Variants in TMPRSS6 observed in about 807,000 individuals in gnomAD.
TMPRSS6 encodes transmembrane protease serine 6.
TMPRSS6 carries 67 observed loss-of-function variants against 101.5 expected under a neutral mutation model. That is an observed-to-expected ratio of 0.66 (90% CI 0.54 to 0.81). TMPRSS6 has a LOEUF of 0.81. Ranked by LOEUF, TMPRSS6 falls within the 30% of genes least tolerant of loss-of-function variation. TMPRSS6 has a pLI of 0.00. For synonymous variants in TMPRSS6, 453 were observed against 464.9 expected (o/e 0.97, Z 0.33); for missense variants, 1,034 against 1,088.7 (o/e 0.95, Z 0.71).
At chr22:37,085,650 G>A (rs1928678553) in intron 8 of TMPRSS6, among the ~76,000 whole-genome samples, 1 of 152,100 alleles carries the variant, frequency 6.6e-6, no homozygotes, top group Admixed American at 6.5e-5. Flanking sequence ...CATGCGGGGT[G>A]GGACGTGCCC....
chr22:37,106,910 G>A (rs1379563867), intron 1 of TMPRSS6, among the ~76,000 whole-genome samples: 1 of 152,170 alleles, frequency 6.6e-6, no homozygotes. Flanking sequence ...CCCCTGGCTA[G>A]TTAAGCTGCC....
intron 7 of TMPRSS6, 132 bp from the exon 8 acceptor site, chr22:37,086,551 A>C: frequency 1.1e-6 from 1 of 918,534 alleles, no homozygotes; most frequent in Non-Finnish European, 1.7e-6. Flanking sequence ...GTCTCCTACC[A>C]GAGACCACTG....
chr22:37,102,282 G>A (rs1343135006), intron 2 of TMPRSS6, among the ~76,000 whole-genome samples: 1 of 152,238 alleles, frequency 6.6e-6, no homozygotes, highest in Non-Finnish European at 1.5e-5. Flanking sequence ...CTATGCTTTA[G>A]CGTAAATGTC....
In TMPRSS6 at chr22:37,098,549, C is replaced by T; in HGVS notation, c.203G>A (p.Gly68Glu). Reference sequence around the variant, plus strand: ...GCTGACCATCACCTCCGCCTTGTACCCTGCCCAGGAAGGAACCAGCAGGGT... The same window carrying T: ...GCTGACCATCACCTCCGCCTTGTACTCTGCCCAGGAAGGAACCAGCAGGGT... ...SAGVLLWYFL[G>E]YKAEVMVSQV... Residue 68 changes from glycine to glutamate, a missense_variant and splice_region_variant, in exon 3 of 18, where the codon GGG (glycine) becomes GAG (glutamate). Coordinates refer to ENST00000676104, the MANE Select transcript of TMPRSS6 (RefSeq NM_001374504.1). 6.2e-7 allele frequency: 1 copy of T among 1,614,096 alleles called. No homozygotes were observed. The highest frequency in any genetic ancestry group is 8.5e-7 in the Non-Finnish European group (1 of 1,180,000).
chr22:37,101,486 TG>T lies in TMPRSS6; in HGVS notation c.202+1729del, dbSNP rs1003018853. ...GGGGCCTGTCCTGCTCCAGTGTCAC[TG>T]GTCACTTGTGCACCTCCTCTTCCAG... is the stretch of plus-strand genomic sequence containing the variant. On this transcript the variant is annotated intron_variant, in intron 2 of 17. Coordinates refer to ENST00000676104, the MANE Select transcript of TMPRSS6 (RefSeq NM_001374504.1). This position sits in a 1 kb window ranked among gnomAD's most constrained non-coding sequence, Gnocchi z 4.1. Among the ~76,000 whole-genome samples, 1 of 152,070 alleles carries T rather than the reference TG, an allele frequency of 6.6e-6. No homozygotes were observed. Among genetic ancestry groups the T allele is most frequent in the African/African-American group, 2.4e-5 (1 of 41,370 alleles).
In TMPRSS6 at chr22:37,103,460, T is replaced by C; in HGVS notation, c.-1-42A>G. The stretch of plus-strand genomic sequence containing the variant: ...CCAAAGTTGGAAACAGCCTCGCATT[T>C]GCAAGGGAGCCTCTGCTGAGCACCG... On this transcript the variant is annotated intron_variant, in intron 1 of 17. Coordinates refer to ENST00000676104, the MANE Select transcript of TMPRSS6 (RefSeq NM_001374504.1). The surrounding 1 kb of genome is among the most constrained non-coding windows in gnomAD (Gnocchi z 4.4). The C allele has an allele frequency of 6.2e-7, 1 of 1,614,204 alleles. No individual in the cohort carries two copies. The highest frequency in any genetic ancestry group is 8.5e-7 in the Non-Finnish European group (1 of 1,180,036).
intron 14 of TMPRSS6, 84 bp from the exon 15 acceptor site, chr22:37,070,736 A>C (rs1167495308): frequency 2.0e-6 from 3 of 1,472,726 alleles, no homozygotes; most frequent in Non-Finnish European, 2.8e-6. Flanking sequence ...AAGGAAAGAG[A>C]TGGAGAGACA....
chr22:37,089,017 G>C (rs2146122154), intron 7 of TMPRSS6, among the ~76,000 whole-genome samples: 1 of 152,290 alleles, frequency 6.6e-6, no homozygotes, highest in Non-Finnish European at 1.5e-5. Flanking sequence ...TTTAATCCGT[G>C]AGCTCTGATG....
chr22:37,085,356 C>T (rs889437151), intron 8 of TMPRSS6, among the ~76,000 whole-genome samples: 2 of 152,170 alleles, frequency 1.3e-5, no homozygotes, highest in Non-Finnish European at 2.9e-5. Context: ...CCTCCCGCCT[C>T]GAGCCTGTGT....
rs769399977 is a variant in TMPRSS6, at chr22:37,093,297, G to A, written c.631+2254C>T. 2.6e-5 allele frequency among the ~76,000 whole-genome samples: 4 copies of A among 151,546 alleles called. No homozygotes were observed. In the East Asian group the frequency reaches 7.7e-4, roughly 29 times the overall value. On this transcript the variant is annotated intron_variant, in intron 6 of 17. Transcript: ENST00000676104. Reference sequence around the variant, plus strand: ...CAGGAACATGGGGACACAGAGGCACGAGGCAACATGAGGCTATTACATAGC... The same window carrying A: ...CAGGAACATGGGGACACAGAGGCACAAGGCAACATGAGGCTATTACATAGC...
At chr22:37,072,906 T>G (rs1282718255) in intron 13 of TMPRSS6, among the ~76,000 whole-genome samples, 1 of 143,630 alleles carries the variant, frequency 7.0e-6, no homozygotes, top group African/African-American at 2.6e-5. Flanking sequence ...GATGGATGGA[T>G]AGATGGATGA....
rs567133284 is a variant in TMPRSS6 at position 37,095,823 on chromosome 22, C to A, written c.589+83G>T. 12 of 1,562,288 alleles carry A rather than the reference C, an allele frequency of 7.7e-6. No individual in the cohort carries two copies. In the African/African-American group the frequency reaches 1.6e-4, roughly 21 times the overall value. ...CACCCTGACAGCACCCCAGGCCTGG[C>A]AGGCAGCCTCCCCGGGCCACACCAC... is the stretch of plus-strand genomic sequence containing the variant. On this transcript the variant is annotated intron_variant, in intron 5 of 17. Coordinates refer to ENST00000676104, the MANE Select transcript of TMPRSS6 (RefSeq NM_001374504.1).
chr22:37,092,916 T>C (rs1426460457), intron 6 of TMPRSS6, among the ~76,000 whole-genome samples: 3 of 152,234 alleles, frequency 2.0e-5, no homozygotes, highest in Admixed American at 2.0e-4. Flanking sequence ...CTCTTCTGCT[T>C]TGGAACGAAC....
chr22:37,066,193 A>C lies in TMPRSS6; in HGVS notation c.2296T>G (p.Trp766Gly). 6.2e-7 allele frequency: 1 copy of C among 1,613,140 alleles called. No individual in the cohort carries two copies. The highest frequency in any genetic ancestry group is 8.5e-7 in the Non-Finnish European group (1 of 1,179,970). Reference sequence around the variant, plus strand: ...CAGCTGACCAGCCCCGCCAGGAACCAGCGGCCACTGAGTGCCTTGCACACC... The same window carrying C: ...CAGCTGACCAGCCCCGCCAGGAACCCGCGGCCACTGAGTGCCTTGCACACC... The part of the protein sequence containing the change: ...PLVCKALSGR[W>G]FLAGLVSWGL... Residue 766 changes from tryptophan (W) to glycine (G), a missense_variant, in exon 18 of 18, where the codon TGG (tryptophan) becomes GGG (glycine). Physicochemically the swap from Trp to Gly is radical, Grantham distance 184. Coordinates refer to ENST00000676104, the MANE Select transcript of TMPRSS6 (RefSeq NM_001374504.1).
intron 8 of TMPRSS6, among the ~76,000 whole-genome samples, chr22:37,085,603 C>A (rs1170482891): frequency 1.3e-5 from 2 of 152,148 alleles, no homozygotes; most frequent in African/African-American, 4.8e-5. Flanking sequence ...GCCTCCTGCG[C>A]AGAAGTATGG....
intron 2 of TMPRSS6, 75 bp from the exon 3 acceptor site, chr22:37,098,624 C>T (rs1930038505): frequency 6.2e-7 from 1 of 1,605,316 alleles, no homozygotes; most frequent in Non-Finnish European, 8.5e-7. Flanking sequence ...ATGCCTTCTC[C>T]TGCCACCCAC....
At chr22:37,086,675 T>C (rs1478204413) in intron 7 of TMPRSS6, among the ~76,000 whole-genome samples, 1 of 152,096 alleles carries the variant, frequency 6.6e-6, no homozygotes, top group African/African-American at 2.4e-5. Context: ...CCCAGACTTC[T>C]GGAGCTTACA....
chr22:37,069,123 T>A lies in TMPRSS6; in HGVS notation c.2063A>T (p.Glu688Val). Residue 688 changes from glutamate to valine, a missense_variant, in exon 16 of 18, where the codon GAG (glutamate) becomes GTG (valine). Transcript: ENST00000676104. This position sits in a 1 kb window ranked among gnomAD's most constrained non-coding sequence, Gnocchi z 4.8. ...VCLPARSHFF[E>V]PGLHCWITGW... is the part of the protein sequence containing the mutation. Reference sequence around the variant, plus strand: ...CGTAATCCAGCAGTGCAGGCCGGGCTCGAAGAAGTGGGAGCGCGCGGGCAG... The same window carrying A: ...CGTAATCCAGCAGTGCAGGCCGGGCACGAAGAAGTGGGAGCGCGCGGGCAG... 6.4e-7 allele frequency: 1 copy of A among 1,564,070 alleles called. No individual in the cohort carries two copies. Among genetic ancestry groups the A allele is most frequent in the South Asian group, 1.2e-5 (1 of 85,964 alleles).
At chr22:37,097,372 G>A (rs563658031) in intron 3 of TMPRSS6, among the ~76,000 whole-genome samples, 26 of 152,230 alleles carry the variant, frequency 1.7e-4, no homozygotes, top group Non-Finnish European at 7.3e-5. Flanking sequence ...ACCAACACAG[G>A]GCCATGAATG....
Sources: gnomAD v4.1 joint callset for allele counts (sites outside exome capture counted in the v4.1 genomes callset) on GRCh38, gnomAD v4.1.1 for gene constraint, Gnocchi (gnomAD v3.1) non-coding constraint, MANE v1.5 for transcripts, NCBI Gene and HGNC (gene_info 2026-07-23, HGNC 2026-07-21) for gene names.